Variants in FMNL2 observed in about 807,000 individuals in gnomAD.
FMNL2 encodes formin-like protein 2.
In FMNL2, 51 loss-of-function variants were observed where a neutral mutation model predicts 130.2. The observed-to-expected ratio is 0.39, with a 90% CI of 0.31 to 0.49. The LOEUF is 0.49. FMNL2 is among the 20% of genes least tolerant of loss of function. The pLI is 0.85. For missense variants in FMNL2, 977 were observed against 1,316.2 expected, an observed-to-expected ratio of 0.74 and a Z score of 3.99; for synonymous variants, 465 against 467.1, an observed-to-expected ratio of 1.00 and a Z score of 0.06.
intron 25 of FMNL2, chr2:152,645,557 CTCT>C (rs1224063106): frequency 2.4e-6 from 3 of 1,236,676 alleles, no homozygotes; most frequent in Non-Finnish European, 3.2e-6. Context: ...TAGCTTCCTC[CTCT>C]CTCTGTATGC....
At chr2:152,610,233 A>G (rs551954720) in intron 10 of FMNL2, among the ~76,000 whole-genome samples, 2 of 151,890 alleles carry the variant, frequency 1.3e-5, no homozygotes, top group South Asian at 4.1e-4. Context: ...CTTTGTAATA[A>G]TTTTCACATT....
intron 11 of FMNL2, 73 bp from the exon 12 acceptor site, chr2:152,614,774 AAGAC>A: frequency 2.1e-6 from 3 of 1,439,320 alleles, no homozygotes; most frequent in Non-Finnish European, 1.9e-6. Flanking sequence ...AAAAACAAAA[AAGAC>A]AGACTCTTAG....
Position 152,435,166 on chromosome 2 carries a change from T to G in FMNL2, c.118-86777T>G, listed in dbSNP as rs547896610. On this transcript the variant is annotated intron_variant, in intron 1 of 25. Coordinates refer to ENST00000288670, the MANE Select transcript of FMNL2 (RefSeq NM_052905.4). ...GTACATACATGTACACCCCTCACCTTGCTCTCTTCACACACTTGTTTAAGG... is the reference window on the plus strand; with the variant it reads ...GTACATACATGTACACCCCTCACCTGGCTCTCTTCACACACTTGTTTAAGG... Among the ~76,000 whole-genome samples the G allele has an allele frequency of 2.6e-5, 4 of 152,264 alleles. No individual in the cohort carries two copies. The East Asian group carries it at 7.7e-4, about 29-fold the overall frequency.
At chr2:152,360,171 T>C (rs887816688) in intron 1 of FMNL2, among the ~76,000 whole-genome samples, 4 of 152,250 alleles carry the variant, frequency 2.6e-5, no homozygotes, top group African/African-American at 9.6e-5. Context: ...ACAAACCGCA[T>C]CTTTGCTCTT....
intron 1 of FMNL2, among the ~76,000 whole-genome samples, chr2:152,407,583 T>C (rs1255788912): frequency 1.3e-5 from 2 of 152,216 alleles, no homozygotes; most frequent in African/African-American, 4.8e-5. Context: ...AAGAGGAACC[T>C]ATGTTTCTTC....
intron 1 of FMNL2, among the ~76,000 whole-genome samples, chr2:152,357,043 TATATCAC>T (rs1319717668): frequency 4.1e-4 from 57 of 140,400 alleles, no homozygotes; most frequent in Non-Finnish European, 7.1e-4. Flanking sequence ...ATAAGTTTAA[TATATCAC>T]GATAAATATT....
chr2:152,573,534 C>T (rs188446413), intron 6 of FMNL2, among the ~76,000 whole-genome samples: 2 of 152,234 alleles, frequency 1.3e-5, no homozygotes, highest in East Asian at 3.9e-4. Context: ...TCTGGGCTTC[C>T]GTTTTCTTAA....
At chr2:152,563,991 G>A (rs1325634586) in intron 6 of FMNL2, among the ~76,000 whole-genome samples, 1 of 152,080 alleles carries the variant, frequency 6.6e-6, no homozygotes, top group African/African-American at 2.4e-5. Context: ...AGGGCAATCC[G>A]ACTGCTCTCC....
intron 1 of FMNL2, among the ~76,000 whole-genome samples, chr2:152,460,685 G>C (rs551220058): frequency 1.3e-5 from 2 of 152,278 alleles, no homozygotes; most frequent in East Asian, 3.9e-4. Flanking sequence ...CCTGCCTCCT[G>C]TCAGATCAGC....
chr2:152,358,034 G>A (rs1682933245), intron 1 of FMNL2, among the ~76,000 whole-genome samples: 2 of 152,310 alleles, frequency 1.3e-5, no homozygotes, highest in South Asian at 4.1e-4. Context: ...TCAGCTGCCA[G>A]TGTGGCTAGA....
chr2:152,572,606 C>T (rs1341396546), intron 6 of FMNL2, among the ~76,000 whole-genome samples: 1 of 147,524 alleles, frequency 6.8e-6, no homozygotes, highest in African/African-American at 2.5e-5. Flanking sequence ...GGCAACAGAG[C>T]AAGACCCTGT....
chr2:152,580,480 C>T (rs1580006952), intron 8 of FMNL2, among the ~76,000 whole-genome samples: 1 of 152,256 alleles, frequency 6.6e-6, no homozygotes, highest in Non-Finnish European at 1.5e-5. Flanking sequence ...ATGGATCTGT[C>T]CCTACATGAG....
At chr2:152,431,082 C>T (rs1345144501) in intron 1 of FMNL2, among the ~76,000 whole-genome samples, 1 of 152,062 alleles carries the variant, frequency 6.6e-6, no homozygotes, top group Non-Finnish European at 1.5e-5. Context: ...ACTTTTTGTT[C>T]GCTGTTTTCT....
rs575264943 is a variant in FMNL2 at position 152,448,532 on chromosome 2, A to G, written c.118-73411A>G. On this transcript the variant is annotated intron_variant, in intron 1 of 25. Transcript: ENST00000288670. ...CTTGTTCATAAAACTCTCTTCTTTG[A>G]CTTGGAAAGACAGATTAAATGTGGA... Among the ~76,000 whole-genome samples the G allele has an allele frequency of 3.9e-5, 6 of 152,312 alleles. No homozygotes were observed. The East Asian group carries it at 9.7e-4, about 25-fold the overall frequency.
At chr2:152,430,467 C>T (rs911327340) in intron 1 of FMNL2, among the ~76,000 whole-genome samples, 10 of 152,172 alleles carry the variant, frequency 6.6e-5, no homozygotes, top group African/African-American at 2.4e-4. Context: ...CTTCTGCATG[C>T]CTTAGAGCCC....
Position 152,619,552 on chromosome 2 carries a change from G to GCCACCCCCCCCCCCCCCCCCCC in FMNL2, c.1673_1674insACCCCCCCCCCCCCCCCCCCCC (p.Pro567SerfsTer21). 7.8e-6 allele frequency: 11 copies of GCCACCCCCCCCCCCCCCCCCCC among 1,417,680 alleles called. No individual in the cohort carries two copies. The highest frequency in any genetic ancestry group is 2.5e-5 in the South Asian group (2 of 79,018). The allele number at this position is 1,417,680 out of a possible 1,614,324, so 87.8% of individuals were successfully genotyped here. A position where few individuals can be genotyped will look rare whatever the true frequency, so the allele number is the denominator to read the frequency against. On this transcript the variant is annotated frameshift_variant, in exon 15 of 26. Coordinates refer to ENST00000288670, the MANE Select transcript of FMNL2 (RefSeq NM_052905.4). LOFTEE classifies it high-confidence loss of function. ...CACCACCTATGCCACCGCCGCCGCCGCCCCCTCCTCCACCTCCTCCTCCCC... is the reference window on the plus strand; with the variant it reads ...CACCACCTATGCCACCGCCGCCGCCGCCACCCCCCCCCCCCCCCCCCCCCCCCTCCTCCACCTCCTCCTCCCC...
chr2:152,357,835 T>A (rs1245085370), intron 1 of FMNL2, among the ~76,000 whole-genome samples: 1 of 152,252 alleles, frequency 6.6e-6, no homozygotes, highest in African/African-American at 2.4e-5. Flanking sequence ...GGTCAATAAT[T>A]CAGTGTCCAT....
intron 23 of FMNL2, among the ~76,000 whole-genome samples, 165 bp from the exon 24 acceptor site, chr2:152,639,793 A>G (rs748068817): frequency 6.6e-6 from 1 of 152,168 alleles, no homozygotes; most frequent in Non-Finnish European, 1.5e-5. Flanking sequence ...ACAGGTAGCG[A>G]AGCCCAGAAG....
At position 152,341,711 on chromosome 2, in the gene FMNL2, A is replaced by T. The variant is rs1381384259; in HGVS notation, c.117+5991A>T. ...TCCAGAACATAATACATTGTGATTC[A>T]TTAGTTGACATTGGCTTTTGAAGAG... is the stretch of plus-strand genomic sequence containing the variant. On this transcript the variant is annotated intron_variant, in intron 1 of 25. Transcript: ENST00000288670. 2.0e-5 allele frequency among the ~76,000 whole-genome samples: 3 copies of T among 152,362 alleles called. No individual in the cohort carries two copies. The South Asian group carries it at 6.2e-4, about 32-fold the overall frequency.
Sources: allele counts gnomAD v4.1 joint callset (sites outside exome capture counted in the v4.1 genomes callset), GRCh38; gene constraint gnomAD v4.1.1; transcripts MANE v1.5; gene names NCBI Gene and HGNC (gene_info 2026-07-23, HGNC 2026-07-21).